PCDH9: variants seen among roughly 807,000 people sequenced by gnomAD.
PCDH9 encodes protocadherin-9.
A neutral mutation model predicts 70.6 loss-of-function variants in PCDH9; 24 were observed. The observed-to-expected ratio is 0.34, with a 90% CI of 0.25 to 0.48. The LOEUF is 0.48. Ranked by LOEUF, PCDH9 falls within the 20% of genes least tolerant of loss-of-function variation. The pLI, the probability that PCDH9 is intolerant of heterozygous loss-of-function variation, is 0.99. For missense variants in PCDH9, 1,281 were observed against 1,503.6 expected, an observed-to-expected ratio of 0.85 and a Z score of 2.45; for synonymous variants, 562 against 558.5, an observed-to-expected ratio of 1.01 and a Z score of -0.09.
At chr13:66,429,767 A>T (rs1474346925) in intron 4 of PCDH9, among the ~76,000 whole-genome samples, 1 of 152,092 alleles carries the variant, frequency 6.6e-6, no homozygotes, top group East Asian at 1.9e-4. Context: ...GACTGAGGTC[A>T]ACTGGTTTGA....
intron 2 of PCDH9, among the ~76,000 whole-genome samples, chr13:66,905,085 T>C (rs1184642038): frequency 6.6e-6 from 1 of 152,090 alleles, no homozygotes; most frequent in East Asian, 1.9e-4. Flanking sequence ...ATTTGTAAAA[T>C]GTTCCCTTGT....
chr13:67,193,376 G>GA (rs1166257052), intron 2 of PCDH9, among the ~76,000 whole-genome samples: 2 of 150,526 alleles, frequency 1.3e-5, no homozygotes, highest in Admixed American at 6.6e-5. Context: ...CAACATAGGA[G>GA]AAAAAATCAA....
intron 4 of PCDH9, among the ~76,000 whole-genome samples, chr13:66,350,399 T>C (rs1956275909): frequency 6.6e-6 from 1 of 152,152 alleles, no homozygotes; most frequent in South Asian, 2.1e-4. Context: ...AACACTCTCT[T>C]GGAGTTATGT....
intron 2 of PCDH9, among the ~76,000 whole-genome samples, chr13:66,970,307 T>C (rs1410163923): frequency 1.3e-5 from 2 of 151,852 alleles, no homozygotes; most frequent in African/African-American, 4.8e-5. Context: ...GAATAACAAG[T>C]TATTTCTTTG....
chr13:66,644,554 TCTTA>T (rs2077748045), intron 3 of PCDH9, among the ~76,000 whole-genome samples: 1 of 151,986 alleles, frequency 6.6e-6, no homozygotes, highest in Admixed American at 6.5e-5. Flanking sequence ...TTATGTTGAA[TCTTA>T]CTTCTATTGA....
At chr13:66,428,726 A>G (rs1394082732) in intron 4 of PCDH9, among the ~76,000 whole-genome samples, 1 of 151,780 alleles carries the variant, frequency 6.6e-6, no homozygotes, top group African/African-American at 2.4e-5. Flanking sequence ...ATGGATTTGG[A>G]TCATTTGCAG....
intron 3 of PCDH9, among the ~76,000 whole-genome samples, chr13:66,812,729 C>A (rs2080531610): frequency 6.6e-6 from 1 of 152,106 alleles, no homozygotes; most frequent in African/African-American, 2.4e-5. Context: ...ACCAAGTGAC[C>A]ACAGTGTAGT....
At chr13:66,479,560 G>T (rs1325519932) in intron 4 of PCDH9, among the ~76,000 whole-genome samples, 1 of 152,274 alleles carries the variant, frequency 6.6e-6, no homozygotes, top group Middle Eastern at 3.4e-3. Flanking sequence ...TTCCTGGGTC[G>T]AGTGGGGACT....
At chr13:66,942,671 G>A (rs1306705621) in intron 2 of PCDH9, among the ~76,000 whole-genome samples, 1 of 152,020 alleles carries the variant, frequency 6.6e-6, no homozygotes, top group Non-Finnish European at 1.5e-5. Context: ...TCAGTCTCAA[G>A]AGATCCTGTT....
At chr13:67,202,560 C>T (rs1277530072) in intron 2 of PCDH9, 1 of 152,162 alleles carries the variant, frequency 6.6e-6, no homozygotes, top group Non-Finnish European at 1.5e-5. Context: ...ATCTCTATAA[C>T]TCACCAAGTT....
intron 2 of PCDH9, among the ~76,000 whole-genome samples, chr13:66,923,930 A>G (rs1175584316): frequency 1.3e-5 from 2 of 151,790 alleles, no homozygotes; most frequent in East Asian, 3.9e-4. Context: ...AATGAGGTTT[A>G]ATACTTTTAT....
chr13:66,524,217 C>T (rs1960119021), intron 4 of PCDH9, among the ~76,000 whole-genome samples: 1 of 152,032 alleles, frequency 6.6e-6, no homozygotes, highest in East Asian at 1.9e-4. Flanking sequence ...AAAGTACTTT[C>T]TGTATGAAAA....
chr13:66,582,013 A>C (rs146528806), intron 4 of PCDH9, among the ~76,000 whole-genome samples: 1 of 152,146 alleles, frequency 6.6e-6, no homozygotes, highest in Non-Finnish European at 1.5e-5. Flanking sequence ...TGGAAAGCCA[A>C]TGAGAATCCC....
intron 3 of PCDH9, among the ~76,000 whole-genome samples, chr13:66,634,820 C>T (rs1013731930): frequency 2.0e-5 from 3 of 152,074 alleles, no homozygotes; most frequent in African/African-American, 7.2e-5. Context: ...TGTTCTTTCA[C>T]AAGTGAAATA....
At chr13:66,727,560 A>T (rs2139166745) in intron 3 of PCDH9, among the ~76,000 whole-genome samples, 1 of 152,290 alleles carries the variant, frequency 6.6e-6, no homozygotes, top group Non-Finnish European at 1.5e-5. Flanking sequence ...ATTAAAATAT[A>T]TTATATTTTT....
chr13:66,939,463 A>C (rs1394976655), intron 2 of PCDH9, among the ~76,000 whole-genome samples: 1 of 111,424 alleles, frequency 9.0e-6, no homozygotes, highest in East Asian at 2.2e-4. Flanking sequence ...TGTGTGACGG[A>C]GTCTTGCTCT....
chr13:66,636,386 A>G (rs567704775), intron 3 of PCDH9, among the ~76,000 whole-genome samples: 2 of 152,224 alleles, frequency 1.3e-5, no homozygotes, highest in South Asian at 2.1e-4. Context: ...TCTAACTTCC[A>G]TTCTTCACTT....
chr13:66,822,930 C>T (rs1293172336), intron 3 of PCDH9, among the ~76,000 whole-genome samples: 1 of 151,814 alleles, frequency 6.6e-6, no homozygotes, highest in African/African-American at 2.4e-5. Flanking sequence ...CACATATATA[C>T]TATATAGGAA....
intron 4 of PCDH9, among the ~76,000 whole-genome samples, chr13:66,425,833 T>G (rs966186370): frequency 6.6e-6 from 1 of 151,680 alleles, no homozygotes; most frequent in Non-Finnish European, 1.5e-5. Context: ...TTTACCAGAT[T>G]GGGGACAAAC....
Sources: allele counts gnomAD v4.1 joint callset (sites outside exome capture counted in the v4.1 genomes callset), GRCh38; gene constraint gnomAD v4.1.1; transcripts MANE v1.5; gene names NCBI Gene and HGNC (gene_info 2026-07-23, HGNC 2026-07-21).